GALNTL6: variants seen among roughly 807,000 people sequenced by gnomAD.
GALNTL6 encodes the protein polypeptide N-acetylgalactosaminyltransferase-like 6.
A neutral mutation model predicts 73.7 loss-of-function variants in GALNTL6; 46 were observed. The observed-to-expected ratio is 0.62, with a 90% CI of 0.49 to 0.80. The LOEUF is 0.80. Among genes scored for constraint, GALNTL6 ranks in the 30% least tolerant of loss-of-function variants. The pLI is 0.00. For missense variants in GALNTL6, 604 were observed against 755.0 expected, an observed-to-expected ratio of 0.80 and a Z score of 2.34; for synonymous variants, 259 against 263.7, an observed-to-expected ratio of 0.98 and a Z score of 0.17.
At chr4:172,860,251 A>G (rs1744329529) in intron 7 of GALNTL6, among the ~76,000 whole-genome samples, 1 of 152,214 alleles carries the variant, frequency 6.6e-6, no homozygotes, top group South Asian at 2.1e-4. Flanking sequence ...CTTCTGACTC[A>G]AATACTTATG....
chr4:172,354,145 C>A (rs1742066628), intron 5 of GALNTL6, among the ~76,000 whole-genome samples: 1 of 152,054 alleles, frequency 6.6e-6, no homozygotes, highest in Admixed American at 6.6e-5. Context: ...TGTTTTAGTG[C>A]TGGTATTCCA....
chr4:172,087,236 G>T (rs1007442077), intron 2 of GALNTL6, among the ~76,000 whole-genome samples: 2 of 152,096 alleles, frequency 1.3e-5, no homozygotes, highest in African/African-American at 4.8e-5. Flanking sequence ...GAGGTCAGGA[G>T]ATTGAGACCA....
intron 2 of GALNTL6, among the ~76,000 whole-genome samples, chr4:172,229,290 A>G (rs1736972729): frequency 6.6e-6 from 1 of 152,214 alleles, no homozygotes; most frequent in South Asian, 2.1e-4. Context: ...TGTACCAATC[A>G]AAACAAAATT....
chr4:171,908,473 C>T (rs1476601579), intron 2 of GALNTL6, among the ~76,000 whole-genome samples: 2 of 152,172 alleles, frequency 1.3e-5, no homozygotes, highest in East Asian at 1.9e-4. Flanking sequence ...GTTAGAATGG[C>T]AATCATTAAA....
intron 7 of GALNTL6, among the ~76,000 whole-genome samples, chr4:172,879,827 A>C (rs1745365278): frequency 6.6e-6 from 1 of 151,988 alleles, no homozygotes; most frequent in Admixed American, 6.6e-5. Context: ...ATGAAACCAA[A>C]AGTTAGTTCT....
intron 5 of GALNTL6, among the ~76,000 whole-genome samples, chr4:172,765,053 A>T (rs1715033267): frequency 6.6e-6 from 1 of 152,210 alleles, no homozygotes; most frequent in Non-Finnish European, 1.5e-5. Flanking sequence ...GGAATTAATT[A>T]TCCTCCTGGT....
intron 2 of GALNTL6, among the ~76,000 whole-genome samples, chr4:172,086,508 A>G (rs1732038135): frequency 6.6e-6 from 1 of 151,980 alleles, no homozygotes; most frequent in Non-Finnish European, 1.5e-5. Context: ...CTTTATTCCT[A>G]AAGTTTATTC....
intron 2 of GALNTL6, among the ~76,000 whole-genome samples, chr4:172,177,330 G>T (rs1579217249): frequency 6.6e-6 from 1 of 152,096 alleles, no homozygotes. Context: ...AATGATAAAA[G>T]AAAGAAAATC....
chr4:172,847,675 C>A (rs1467996794), intron 7 of GALNTL6, among the ~76,000 whole-genome samples: 2 of 152,142 alleles, frequency 1.3e-5, no homozygotes, highest in Non-Finnish European at 2.9e-5. Context: ...ATTGGGTGAG[C>A]AAATGAGACA....
chr4:172,925,442 A>G (rs77133877), intron 8 of GALNTL6, among the ~76,000 whole-genome samples: 11,574 of 152,250 alleles, frequency 0.076, 624 homozygotes, highest in Non-Finnish European at 0.12. Flanking sequence ...GTTTACTCAC[A>G]TGAGTATGTC....
At chr4:172,414,699 G>C (rs951319214) in intron 5 of GALNTL6, among the ~76,000 whole-genome samples, 1 of 152,044 alleles carries the variant, frequency 6.6e-6, no homozygotes, top group African/African-American at 2.4e-5. Flanking sequence ...TTGAATCTTT[G>C]TGTCTTTGTT....
At chr4:172,812,608 G>GAA (rs375642954) in intron 6 of GALNTL6, among the ~76,000 whole-genome samples, 5 of 136,158 alleles carry the variant, frequency 3.7e-5, no homozygotes, top group Admixed American at 1.5e-4. Context: ...TGTTGGAACT[G>GAA]AAAAAAAAAA....
intron 5 of GALNTL6, among the ~76,000 whole-genome samples, chr4:172,443,181 T>C (rs1387767918): frequency 2.9e-5 from 4 of 138,948 alleles, no homozygotes; most frequent in Non-Finnish European, 6.2e-5. Context: ...TTTTTTTTTT[T>C]TGAGACAGAG....
intron 2 of GALNTL6, among the ~76,000 whole-genome samples, chr4:172,072,259 C>A (rs965336530): frequency 6.6e-6 from 1 of 151,704 alleles, no homozygotes; most frequent in Non-Finnish European, 1.5e-5. Context: ...TTCTTTTAAC[C>A]AATATGTTTG....
intron 3 of GALNTL6, among the ~76,000 whole-genome samples, chr4:172,292,465 T>A (rs1739509738): frequency 6.6e-6 from 1 of 152,132 alleles, no homozygotes. Context: ...AATCCATAAT[T>A]TCTGTAAAAT....
At chr4:172,883,663 A>C (rs1481567764) in intron 8 of GALNTL6, among the ~76,000 whole-genome samples, 1 of 152,208 alleles carries the variant, frequency 6.6e-6, no homozygotes, top group East Asian at 1.9e-4. Context: ...TTTTGACATA[A>C]GATTTGGAGG....
At chr4:172,456,325 G>A (rs1019311853) in intron 5 of GALNTL6, among the ~76,000 whole-genome samples, 1 of 151,878 alleles carries the variant, frequency 6.6e-6, no homozygotes, top group Admixed American at 6.6e-5. Context: ...TTGCCAACAA[G>A]GAAACAAAAC....
intron 2 of GALNTL6, among the ~76,000 whole-genome samples, chr4:172,197,961 AT>A (rs1308650744): frequency 1.3e-5 from 2 of 152,084 alleles, no homozygotes; most frequent in Non-Finnish European, 1.5e-5. Context: ...TACAAAAAAA[AT>A]TAGCTAGGCA....
intron 7 of GALNTL6, among the ~76,000 whole-genome samples, chr4:172,878,533 AT>A (rs958720270): frequency 6.6e-6 from 1 of 151,916 alleles, no homozygotes; most frequent in African/African-American, 2.4e-5. Context: ...TTTATAGTAT[AT>A]GTGAAGTGAC....
Sources: allele counts gnomAD v4.1 joint callset (sites outside exome capture counted in the v4.1 genomes callset), GRCh38; gene constraint gnomAD v4.1.1; transcripts MANE v1.5; gene names NCBI Gene and HGNC (gene_info 2026-07-23, HGNC 2026-07-21).